Variants in OSBP2 observed in about 807,000 individuals in gnomAD.
The protein encoded by OSBP2 is oxysterol-binding protein 2.
Under a neutral mutation model 96.0 loss-of-function variants are expected in OSBP2, and 66 were observed. That is an observed-to-expected ratio of 0.69 (90% CI 0.56 to 0.84). The LOEUF (loss-of-function observed/expected upper bound fraction) is 0.84, where lower values mean the gene tolerates loss of function less well. OSBP2 is among the 40% of genes least tolerant of loss of function. The pLI, the probability that OSBP2 is intolerant of heterozygous loss-of-function variation, is 0.00. For synonymous variants in OSBP2, 525 were observed against 520.9 expected (o/e 1.01, Z -0.11); for missense variants, 1,038 against 1,222.7 (o/e 0.85, Z 2.25).
chr22:30,845,878 CAAAAAAAAAA>C (rs544099138), intron 2 of OSBP2, among the ~76,000 whole-genome samples: 1 of 70,590 alleles, frequency 1.4e-5, no homozygotes, highest in Non-Finnish European at 2.9e-5. Flanking sequence ...GAGACTCTCT[CAAAAAAAAAA>C]AAAAAAAAAA....
intron 2 of OSBP2, among the ~76,000 whole-genome samples, chr22:30,764,955 G>A (rs1186654089): frequency 6.6e-6 from 1 of 152,106 alleles, no homozygotes; most frequent in Non-Finnish European, 1.5e-5. Flanking sequence ...TCCTGGGGGA[G>A]CATGTTAAAA....
At chr22:30,823,264 C>G (rs1200489151) in intron 2 of OSBP2, among the ~76,000 whole-genome samples, 2 of 152,200 alleles carry the variant, frequency 1.3e-5, no homozygotes, top group African/African-American at 4.8e-5. Flanking sequence ...GCCCAAGGGC[C>G]CTTCCTAGCG....
chr22:30,749,894 C>A (rs531801560), intron 2 of OSBP2, among the ~76,000 whole-genome samples: 2 of 152,038 alleles, frequency 1.3e-5, no homozygotes, highest in South Asian at 2.1e-4. Flanking sequence ...AGACGTGAGC[C>A]ACCGCGCCTG....
In OSBP2 at chr22:30,906,644, G is replaced by C. The variant is rs2040343416; in HGVS notation, c.*305G>C. 1 of 279,702 alleles carries C rather than the reference G, an allele frequency of 3.6e-6. No homozygotes were observed. The highest frequency in any genetic ancestry group is 6.6e-6 in the Non-Finnish European group (1 of 151,118). The allele number at this position is 279,702 out of a possible 1,614,324, so 17.3% of individuals were successfully genotyped here. On this transcript the variant is annotated 3_prime_UTR_variant, in exon 14 of 14. Transcript: ENST00000332585. ...TCAGGCCGGCTGGCCCGGGCCATGG[G>C]CTGCGCAAATCACCAGCCCCCAACC...
chr22:30,888,227 C>A lies in OSBP2; in HGVS notation c.1305C>A (p.Ser435Arg). The A allele has an allele frequency of 6.3e-7, 1 of 1,598,650 alleles. No individual in the cohort carries two copies. Among genetic ancestry groups the A allele is most frequent in the Non-Finnish European group, 8.6e-7 (1 of 1,166,068 alleles). ...AAGCTCTGTCTGTGTCTCTAGGAAG[C>A]CTCTTGACTCCCAAAGGAGAGGACA... ...ANPSKSFIEG[S>R]LLTPKGEDSE... is the part of the protein sequence containing the mutation. The change falls in exon 5 of 14, where the codon AGC becomes AGA. Residue 435 changes from serine (S) to arginine (R), a missense_variant. Around this residue, in one of 3 missense-constraint regions of OSBP2, gnomAD observed 737 missense variants for 913.3 expected, o/e 0.81. Coordinates refer to ENST00000332585, the MANE Select transcript of OSBP2 (RefSeq NM_030758.4).
intron 2 of OSBP2, among the ~76,000 whole-genome samples, chr22:30,849,861 T>G (rs1258848855): frequency 6.6e-6 from 1 of 152,242 alleles, no homozygotes; most frequent in Non-Finnish European, 1.5e-5. Context: ...ACATCTAGGT[T>G]TATGTTCCAT....
chr22:30,699,854 ATAT>A (rs1198170527), intron 1 of OSBP2, among the ~76,000 whole-genome samples: 2 of 152,302 alleles, frequency 1.3e-5, no homozygotes, highest in African/African-American at 2.4e-5. Flanking sequence ...CTCTTTATAA[ATAT>A]TATCACATGT....
intron 2 of OSBP2, among the ~76,000 whole-genome samples, chr22:30,753,616 C>T (rs1417856696): frequency 2.0e-5 from 3 of 152,072 alleles, no homozygotes; most frequent in Non-Finnish European, 4.4e-5. Flanking sequence ...GTGTAGAAGT[C>T]ACCTGTCCAC....
chr22:30,892,403 C>T (rs755971332), intron 8 of OSBP2, among the ~76,000 whole-genome samples: 21 of 152,158 alleles, frequency 1.4e-4, no homozygotes, highest in South Asian at 2.1e-4. Context: ...AGGCACACTG[C>T]GGGCAGCGGG....
intron 1 of OSBP2, among the ~76,000 whole-genome samples, chr22:30,712,908 G>T (rs1400284987): frequency 6.6e-6 from 1 of 151,822 alleles, no homozygotes; most frequent in Non-Finnish European, 1.5e-5. Context: ...TTTGTTTTTG[G>T]TTTTTGTTGT....
At chr22:30,799,323 C>T (rs886347798) in intron 2 of OSBP2, among the ~76,000 whole-genome samples, 2 of 152,150 alleles carry the variant, frequency 1.3e-5, no homozygotes, top group African/African-American at 2.4e-5. Flanking sequence ...TCTTGGTCTT[C>T]GAGACCAAGC....
rs558053136 is a variant in OSBP2, at chr22:30,757,293, C to T, written c.853+15924C>T. On this transcript the variant is annotated intron_variant, in intron 2 of 13. Transcript: ENST00000332585. ...CTGCCATTACACGCTCCCTGCGTCC[C>T]CCCTGCCATATGAATCCCAAATGAT... Among the ~76,000 whole-genome samples, 8 of 152,314 alleles carry T rather than the reference C, an allele frequency of 5.3e-5. No homozygotes were observed. The East Asian group carries it at 1.4e-3, about 26-fold the overall frequency.
rs773313318 is a variant in OSBP2, at chr22:30,695,594, G to A, written c.644+41G>A. 9.6e-5 allele frequency: 151 copies of A among 1,571,206 alleles called. 1 individual carries two copies. In the South Asian group the frequency reaches 1.2e-3, roughly 13 times the overall value. ...GGTGGGACATGGGGGTTGGAGGGTGGTGATGCTGCAGGGATGGTGATGGAG... is the reference window on the plus strand; with the variant it reads ...GGTGGGACATGGGGGTTGGAGGGTGATGATGCTGCAGGGATGGTGATGGAG... On this transcript the variant is annotated intron_variant, in intron 1 of 13. Transcript: ENST00000332585.
Position 30,881,943 on chromosome 22 carries a change from GC to G in OSBP2, c.1108-5479del. The G allele has an allele frequency of 1.5e-6, 1 of 684,236 alleles. No individual in the cohort carries two copies. Among genetic ancestry groups the G allele is most frequent in the Non-Finnish European group, 2.2e-6 (1 of 461,956 alleles). The allele number at this position is 684,236 out of a possible 1,614,324, so 42.4% of individuals were successfully genotyped here. On this transcript the variant is annotated intron_variant, in intron 3 of 13. Coordinates refer to ENST00000332585, the MANE Select transcript of OSBP2 (RefSeq NM_030758.4). The surrounding 1 kb of genome is among the most constrained non-coding windows in gnomAD (Gnocchi z 4.5). ...ATTAGGGCACAGCAGTTTTCACCCT[GC>G]CCCGCTTTTAGGTGACTGTGACACT... is the stretch of plus-strand genomic sequence containing the variant.
chr22:30,799,093 C>G (rs970348163), intron 2 of OSBP2, among the ~76,000 whole-genome samples: 3 of 148,450 alleles, frequency 2.0e-5, no homozygotes, highest in Non-Finnish European at 3.0e-5. Flanking sequence ...TCCTTCCTTC[C>G]TTCCTTCCTT....
intron 2 of OSBP2, among the ~76,000 whole-genome samples, chr22:30,835,718 C>CTTT (rs538763182): frequency 1.2e-4 from 16 of 132,110 alleles, no homozygotes; most frequent in African/African-American, 8.4e-5. Context: ...TATGTAGTTA[C>CTTT]TTTTTTTTTT....
intron 2 of OSBP2, among the ~76,000 whole-genome samples, chr22:30,774,825 G>A (rs1312331236): frequency 1.3e-5 from 2 of 152,060 alleles, no homozygotes; most frequent in Non-Finnish European, 2.9e-5. Context: ...GTATACTTAG[G>A]GCATTCAATA....
In OSBP2 at chr22:30,890,202, G is replaced by C. The variant is rs2039913879; in HGVS notation, c.1624-526G>C. On this transcript the variant is annotated intron_variant, in intron 7 of 13. Coordinates refer to ENST00000332585, the MANE Select transcript of OSBP2 (RefSeq NM_030758.4). The surrounding 1 kb of genome is among the most constrained non-coding windows in gnomAD (Gnocchi z 4.4). ...GTCCTCTTCAGTGTCTGGGAGGATGGAGCAAGATAACACGAGGAAGCTGAG... is the reference window on the plus strand; with the variant it reads ...GTCCTCTTCAGTGTCTGGGAGGATGCAGCAAGATAACACGAGGAAGCTGAG... 6.6e-6 allele frequency among the ~76,000 whole-genome samples: 1 copy of C among 152,132 alleles called. No homozygotes were observed. The highest frequency in any genetic ancestry group is 1.5e-5 in the Non-Finnish European group (1 of 68,012).
At chr22:30,696,005 C>T (rs1035867466) in intron 1 of OSBP2, among the ~76,000 whole-genome samples, 11 of 152,112 alleles carry the variant, frequency 7.2e-5, no homozygotes, top group South Asian at 4.1e-4. Flanking sequence ...TTATTCTTCC[C>T]GCCTGGGGCA....
Sources: gnomAD v4.1 joint callset for allele counts (sites outside exome capture counted in the v4.1 genomes callset) on GRCh38, gnomAD v4.1.1 for gene constraint, gnomAD v4.1.1 regional missense constraint, Gnocchi (gnomAD v3.1) non-coding constraint, MANE v1.5 for transcripts, NCBI Gene and HGNC (gene_info 2026-07-23, HGNC 2026-07-21) for gene names.